Variants in MGAT5 observed in about 807,000 individuals in gnomAD.
The protein encoded by MGAT5 is alpha-1,6-mannosylglycoprotein 6-beta-N-acetylglucosaminyltransferase.
Under a neutral mutation model 94.3 loss-of-function variants are expected in MGAT5, and 30 were observed. The observed-to-expected ratio is 0.32, with a 90% CI of 0.24 to 0.43. The LOEUF (loss-of-function observed/expected upper bound fraction) is 0.43. Among genes scored for constraint, MGAT5 ranks in the 20% least tolerant of loss-of-function variants. The pLI, the probability that MGAT5 is intolerant of heterozygous loss-of-function variation, is 1.00. For missense variants in MGAT5, 691 were observed against 905.5 expected, an observed-to-expected ratio of 0.76 and a Z score of 3.04; for synonymous variants, 310 against 322.9, an observed-to-expected ratio of 0.96 and a Z score of 0.43.
At chr2:134,373,560 CAG>C (rs1034176626) in intron 10 of MGAT5, among the ~76,000 whole-genome samples, 4 of 152,164 alleles carry the variant, frequency 2.6e-5, no homozygotes, top group African/African-American at 7.2e-5. Flanking sequence ...TGTAGGAAAA[CAG>C]AGTTTGGATT....
chr2:134,133,863 CTG>C (rs1339186587), intron 1 of MGAT5, among the ~76,000 whole-genome samples: 1 of 152,156 alleles, frequency 6.6e-6, no homozygotes, highest in Non-Finnish European at 1.5e-5. Flanking sequence ...ATCCGTTCCT[CTG>C]TGGGGGTCTT....
chr2:134,385,680 G>A (rs1323883503), intron 10 of MGAT5, among the ~76,000 whole-genome samples: 2 of 152,128 alleles, frequency 1.3e-5, no homozygotes, highest in African/African-American at 2.4e-5. Flanking sequence ...AGGTACACAC[G>A]TAAGGTTGGA....
chr2:134,398,743 T>TA (rs1362724400), intron 10 of MGAT5, among the ~76,000 whole-genome samples: 4 of 102,382 alleles, frequency 3.9e-5, no homozygotes, highest in African/African-American at 1.2e-4. Context: ...ATTCGGCCAT[T>TA]TAAAAAAATG....
At chr2:134,156,021 G>A (rs529065492) in intron 1 of MGAT5, among the ~76,000 whole-genome samples, 2 of 152,272 alleles carry the variant, frequency 1.3e-5, no homozygotes, top group African/African-American at 4.8e-5. Flanking sequence ...CCGTAGGCTT[G>A]CTTGATTTAT....
At chr2:134,215,557 G>A (rs1172965666) in intron 1 of MGAT5, among the ~76,000 whole-genome samples, 1 of 152,138 alleles carries the variant, frequency 6.6e-6, no homozygotes, top group Admixed American at 6.5e-5. Flanking sequence ...TCTCAAGGAA[G>A]CTTATCCATT....
At chr2:134,234,850 G>A (rs11674684) in intron 1 of MGAT5, among the ~76,000 whole-genome samples, 34,277 of 152,182 alleles carry the variant, frequency 0.23, 4,444 homozygotes, top group Non-Finnish European at 0.3. Flanking sequence ...GGACTGAGCA[G>A]GTGAGTGAGA....
At chr2:134,207,932 T>C (rs912473506) in intron 1 of MGAT5, among the ~76,000 whole-genome samples, 1 of 152,244 alleles carries the variant, frequency 6.6e-6, no homozygotes, top group Non-Finnish European at 1.5e-5. Flanking sequence ...AGGTCCATGC[T>C]TCTCAGCTGG....
intron 13 of MGAT5, among the ~76,000 whole-genome samples, chr2:134,423,159 G>A (rs1684391977): frequency 6.6e-6 from 1 of 152,150 alleles, no homozygotes; most frequent in Non-Finnish European, 1.5e-5. Context: ...ACATGACCAT[G>A]GATCCCAGGC....
At chr2:134,357,503 G>A (rs1679820503) in intron 9 of MGAT5, among the ~76,000 whole-genome samples, 1 of 152,236 alleles carries the variant, frequency 6.6e-6, no homozygotes, top group African/African-American at 2.4e-5. Flanking sequence ...GTTGGCTGTA[G>A]CAAAGGATCA....
chr2:134,208,115 A>ATCAGAGTTT (rs1680107843), intron 1 of MGAT5, among the ~76,000 whole-genome samples: 1 of 151,984 alleles, frequency 6.6e-6, no homozygotes, highest in African/African-American at 2.4e-5. Context: ...AGCACATAGA[A>ATCAGAGTTT]TCAGAGTTTT....
At chr2:134,246,182 A>AAG (rs979176685) in intron 1 of MGAT5, among the ~76,000 whole-genome samples, 1 of 151,614 alleles carries the variant, frequency 6.6e-6, no homozygotes, top group African/African-American at 2.4e-5. Flanking sequence ...AAAAAAAAAA[A>AAG]AAAAAGGACC....
chr2:134,340,159 T>G (rs1473050027), intron 6 of MGAT5, among the ~76,000 whole-genome samples: 1 of 152,172 alleles, frequency 6.6e-6, no homozygotes, highest in Admixed American at 6.6e-5. Context: ...AAGAACAAAT[T>G]TCCTAGCTAG....
At position 134,176,070 on chromosome 2, in the gene MGAT5, G is replaced by A. The variant is rs1052840953; in HGVS notation, c.-143+55779G>A. ...ATGGCTTATAGGAATTGGTGCCCAT[G>A]GCTAGCACGTTGGAGGGGCTGGGGA... On this transcript the variant is annotated intron_variant, in intron 1 of 16. Coordinates refer to the MGAT5 transcript ENST00000409645. Among the ~76,000 whole-genome samples the A allele has an allele frequency of 7.2e-5, 11 of 152,176 alleles. No individual in the cohort carries two copies. In the East Asian group the frequency reaches 2.1e-3, roughly 29 times the overall value.
chr2:134,189,602 G>GTTTTGTTTTGTTTTTTTTTTTTTTTTTTT (rs1553490380), intron 1 of MGAT5, among the ~76,000 whole-genome samples: 2 of 84,670 alleles, frequency 2.4e-5, no homozygotes, highest in African/African-American at 4.8e-5. Flanking sequence ...GTTTTTTTTT[G>GTTTTGTTTTGTTTTTTTTTTTTTTTTTTT]TTTTTTTTTT....
At chr2:134,279,789 C>G (rs901966659) in intron 2 of MGAT5, among the ~76,000 whole-genome samples, 1 of 152,176 alleles carries the variant, frequency 6.6e-6, no homozygotes, top group Non-Finnish European at 1.5e-5. Context: ...GTGATATCAG[C>G]TTACATATGG....
At chr2:134,260,882 C>T (rs1243389882) in intron 1 of MGAT5, among the ~76,000 whole-genome samples, 3 of 151,830 alleles carry the variant, frequency 2.0e-5, no homozygotes, top group Non-Finnish European at 4.4e-5. Context: ...TGTATGGTGA[C>T]GTGGCTGGTG....
At chr2:134,299,017 G>T (rs115213074) in intron 2 of MGAT5, among the ~76,000 whole-genome samples, 2,292 of 152,232 alleles carry the variant, frequency 0.015, 59 homozygotes, top group African/African-American at 0.051. Context: ...TTCTTACCTA[G>T]ATCTTCCCAA....
In MGAT5 at chr2:134,238,962, C is replaced by A. The variant is rs183036627; in HGVS notation, c.-142-15300C>A. On this transcript the variant is annotated intron_variant, in intron 1 of 16. Coordinates refer to the MGAT5 transcript ENST00000409645. Reference sequence around the variant, plus strand: ...ACTCTGTCTCAAAAACAAACAACAACAAAAAAAGAAATATTGCCCTAAACG... The same window carrying A: ...ACTCTGTCTCAAAAACAAACAACAAAAAAAAAAGAAATATTGCCCTAAACG... Among the ~76,000 whole-genome samples, 487 of 152,126 alleles carry A rather than the reference C, an allele frequency of 3.2e-3. 3 individuals carry two copies. The highest frequency in any genetic ancestry group is 0.011 in the African/African-American group (468 of 41,528).
intron 14 of MGAT5, among the ~76,000 whole-genome samples, chr2:134,431,672 G>A (rs1005492379): frequency 1.3e-5 from 2 of 152,148 alleles, no homozygotes; most frequent in Non-Finnish European, 2.9e-5. Context: ...GCCCTAATTA[G>A]GCCAATATCT....
Sources: allele counts gnomAD v4.1 joint callset (sites outside exome capture counted in the v4.1 genomes callset), GRCh38; gene constraint gnomAD v4.1.1; transcripts MANE v1.5; gene names NCBI Gene and HGNC (gene_info 2026-07-23, HGNC 2026-07-21).